The following MAML3 variants were observed in gnomAD, a reference collection of about 807,000 sequenced individuals.
The protein encoded by MAML3 is mastermind like transcriptional coactivator 3.
MAML3 carries 27 observed loss-of-function variants against 101.9 expected under a neutral mutation model. The ratio of observed to expected loss-of-function variants is 0.27; its 90% CI spans 0.20 to 0.37. MAML3 has a LOEUF of 0.37. Ranked by LOEUF, MAML3 falls within the 10% of genes least tolerant of loss-of-function variation. The probability of loss-of-function intolerance (pLI) is 1.00; values close to 1 mark genes in which losing one functional copy is unlikely to be tolerated. For missense variants in MAML3, 1,316 were observed against 1,444.9 expected (o/e 0.91, Z 1.45); for synonymous variants, 501 against 555.9 (o/e 0.90, Z 1.39).
At chr4:139,770,896 G>T (rs1034682625) in intron 2 of MAML3, among the ~76,000 whole-genome samples, 1 of 152,224 alleles carries the variant, frequency 6.6e-6, no homozygotes, top group Non-Finnish European at 1.5e-5. Flanking sequence ...AGAGGAGGGG[G>T]ATATTGAAGA....
intron 1 of MAML3, among the ~76,000 whole-genome samples, chr4:139,997,825 G>A (rs1734845857): frequency 6.6e-6 from 1 of 151,776 alleles, no homozygotes; most frequent in Non-Finnish European, 1.5e-5. Flanking sequence ...AGGTACAGAA[G>A]GTACAGAACT....
Position 139,719,633 on chromosome 4 carries a change from C to A in MAML3, c.3107G>T (p.Gly1036Val). 1 of 1,612,296 alleles carries A rather than the reference C, an allele frequency of 6.2e-7. No homozygotes were observed. Among genetic ancestry groups the A allele is most frequent in the Non-Finnish European group, 8.5e-7 (1 of 1,179,262 alleles). Residue 1036 changes from glycine (G) to valine (V), a missense_variant, in exon 5 of 5, where the codon GGG (glycine) becomes GTG (valine). Physicochemically the swap from Gly to Val is moderately radical, Grantham distance 109 (BLOSUM62 -3). Transcript: ENST00000509479. ...CCTCGCCTGGCTGGTGCCTTGCTGC[C>A]CCGGGAGCGATGGCATCATCTGCCG... ...MGRQMMPSLP[G>V]QQGTSQARPM...
chr4:140,011,140 CAT>C (rs1344580166), intron 1 of MAML3, among the ~76,000 whole-genome samples: 1 of 107,708 alleles, frequency 9.3e-6, no homozygotes, highest in African/African-American at 3.2e-5. Flanking sequence ...TATATATACA[CAT>C]ATGTCATATA....
intron 1 of MAML3, among the ~76,000 whole-genome samples, chr4:140,120,054 G>A (rs897229937): frequency 2.6e-5 from 4 of 151,970 alleles, no homozygotes; most frequent in South Asian, 2.1e-4. Flanking sequence ...TGGCTAACAC[G>A]GTGAAACCCC....
At chr4:139,814,611 C>T (rs1276218689) in intron 2 of MAML3, among the ~76,000 whole-genome samples, 1 of 151,886 alleles carries the variant, frequency 6.6e-6, no homozygotes, top group Admixed American at 6.6e-5. Flanking sequence ...CTGTAATGAA[C>T]TGTGTGGTTC....
intron 1 of MAML3, among the ~76,000 whole-genome samples, chr4:140,047,281 G>T (rs776336402): frequency 3.3e-5 from 5 of 152,142 alleles, no homozygotes; most frequent in Non-Finnish European, 2.9e-5. Flanking sequence ...AACGCACTGA[G>T]GGACTTAGAG....
intron 1 of MAML3, among the ~76,000 whole-genome samples, chr4:139,891,631 T>C (rs974926037): frequency 6.6e-6 from 1 of 152,080 alleles, no homozygotes; most frequent in Non-Finnish European, 1.5e-5. Flanking sequence ...TTAATACCTA[T>C]CCCAAATTCT....
chr4:139,789,868 CATGGGG>C (rs1730373550), intron 2 of MAML3, among the ~76,000 whole-genome samples: 1 of 151,844 alleles, frequency 6.6e-6, no homozygotes, highest in Non-Finnish European at 1.5e-5. Flanking sequence ...GGGACTTGGA[CATGGGG>C]GTCGAAGGTG....
At chr4:139,895,748 C>G (rs565697561) in intron 1 of MAML3, among the ~76,000 whole-genome samples, 177 of 152,272 alleles carry the variant, frequency 1.2e-3, no homozygotes, top group African/African-American at 4.0e-3. Flanking sequence ...ATTTGCAATT[C>G]AAGTCCAAGT....
At chr4:139,979,119 G>C (rs1734400299) in intron 1 of MAML3, among the ~76,000 whole-genome samples, 1 of 152,096 alleles carries the variant, frequency 6.6e-6, no homozygotes, top group Non-Finnish European at 1.5e-5. Flanking sequence ...TTATCTACAA[G>C]CCTTTCATCA....
intron 1 of MAML3, among the ~76,000 whole-genome samples, chr4:139,924,851 C>T (rs983599884): frequency 6.6e-6 from 1 of 152,178 alleles, no homozygotes; most frequent in Admixed American, 6.5e-5. Context: ...ATTCATTTAG[C>T]TCATTACTTC....
chr4:139,827,156 A>G (rs1731075312), intron 2 of MAML3, among the ~76,000 whole-genome samples: 1 of 152,278 alleles, frequency 6.6e-6, no homozygotes, highest in East Asian at 1.9e-4. Flanking sequence ...CTGGAAAGTG[A>G]GGTGAAATCA....
chr4:140,070,199 G>C (rs1304883970), intron 1 of MAML3, among the ~76,000 whole-genome samples: 1 of 152,088 alleles, frequency 6.6e-6, no homozygotes, highest in Non-Finnish European at 1.5e-5. Context: ...ACACTGTCTT[G>C]GTCACCACTG....
At chr4:139,917,564 T>A (rs1446624481) in intron 1 of MAML3, among the ~76,000 whole-genome samples, 1 of 152,152 alleles carries the variant, frequency 6.6e-6, no homozygotes, top group East Asian at 1.9e-4. Context: ...GTTTGCTATG[T>A]AGGAAGAGAA....
intron 1 of MAML3, among the ~76,000 whole-genome samples, chr4:140,128,506 A>T (rs979827978): frequency 1.3e-5 from 2 of 152,170 alleles, no homozygotes; most frequent in Non-Finnish European, 2.9e-5. Flanking sequence ...TCTGTTAGGG[A>T]ATGTCAGCTC....
intron 2 of MAML3, among the ~76,000 whole-genome samples, chr4:139,778,651 A>G (rs1045177724): frequency 1.4e-4 from 22 of 152,154 alleles, no homozygotes; most frequent in African/African-American, 5.1e-4. Context: ...TACCTCCATA[A>G]CATTTATAAG....
intron 1 of MAML3, among the ~76,000 whole-genome samples, chr4:140,014,104 T>A (rs560278254): frequency 1.3e-5 from 2 of 152,338 alleles, no homozygotes; most frequent in African/African-American, 4.8e-5. Context: ...CTTATATATT[T>A]CACAACTTTT....
chr4:140,082,841 C>T (rs559147346), intron 1 of MAML3, among the ~76,000 whole-genome samples: 17 of 151,908 alleles, frequency 1.1e-4, no homozygotes, highest in African/African-American at 3.4e-4. Flanking sequence ...GGGCTGAGCT[C>T]GTACCAGTAG....
At chr4:139,859,980 C>CG (rs1731739562) in intron 2 of MAML3, among the ~76,000 whole-genome samples, 1 of 152,206 alleles carries the variant, frequency 6.6e-6, no homozygotes, top group African/African-American at 2.4e-5. Flanking sequence ...GAAGGCGTCG[C>CG]GGGAGGGGCT....
Sources: gnomAD v4.1 joint callset for allele counts (sites outside exome capture counted in the v4.1 genomes callset) on GRCh38, gnomAD v4.1.1 for gene constraint, MANE v1.5 for transcripts, NCBI Gene and HGNC (gene_info 2026-07-23, HGNC 2026-07-21) for gene names.